NKAIN2: variants seen among roughly 807,000 people sequenced by gnomAD.
The protein encoded by NKAIN2 is sodium/potassium transporting ATPase interacting 2, also known as sodium/potassium-transporting ATPase subunit beta-1-interacting protein 2.
In NKAIN2, 14 loss-of-function variants were observed where a neutral mutation model predicts 32.6. The ratio of observed to expected loss-of-function variants is 0.43; its 90% CI spans 0.28 to 0.67. The LOEUF (loss-of-function observed/expected upper bound fraction) is 0.67, where lower values mean the gene tolerates loss of function less well. NKAIN2 is among the 30% of genes least tolerant of loss of function. NKAIN2 has a pLI of 0.17. For synonymous variants in NKAIN2, 80 were observed against 87.2 expected (o/e 0.92, Z 0.46); for missense variants, 198 against 258.3 (o/e 0.77, Z 1.60).
intron 3 of NKAIN2, among the ~76,000 whole-genome samples, chr6:124,494,561 C>T (rs1777994447): frequency 6.6e-6 from 1 of 152,060 alleles, no homozygotes; most frequent in Non-Finnish European, 1.5e-5. Context: ...TAAACTGTAA[C>T]AGCTAAAGCT....
chr6:124,686,523 C>G (rs1162445022), intron 4 of NKAIN2, among the ~76,000 whole-genome samples: 2 of 152,030 alleles, frequency 1.3e-5, no homozygotes, highest in African/African-American at 4.8e-5. Context: ...AAGAACAGCA[C>G]TAGGGGAACA....
chr6:124,822,927 C>T (rs576278436), intron 6 of NKAIN2, among the ~76,000 whole-genome samples: 5 of 152,162 alleles, frequency 3.3e-5, no homozygotes, highest in Non-Finnish European at 7.3e-5. Flanking sequence ...TAATATATCA[C>T]ACAACATTTG....
chr6:124,423,675 C>T (rs1774854710), intron 3 of NKAIN2, among the ~76,000 whole-genome samples: 1 of 152,136 alleles, frequency 6.6e-6, no homozygotes, highest in African/African-American at 2.4e-5. Flanking sequence ...GATTATGGCC[C>T]TTATAAAAGG....
intron 1 of NKAIN2, among the ~76,000 whole-genome samples, chr6:124,269,171 T>C: frequency 6.6e-6 from 1 of 152,182 alleles, no homozygotes. Context: ...CTAAAACTGA[T>C]AGAAAATATC....
chr6:123,971,917 C>A (rs2114638500), intron 1 of NKAIN2, among the ~76,000 whole-genome samples: 1 of 152,146 alleles, frequency 6.6e-6, no homozygotes, highest in Middle Eastern at 3.4e-3. Context: ...ATACAATTGG[C>A]CTTTGAACAA....
chr6:124,606,914 G>T (rs1782523621), intron 3 of NKAIN2, among the ~76,000 whole-genome samples: 1 of 152,102 alleles, frequency 6.6e-6, no homozygotes, highest in Admixed American at 6.6e-5. Flanking sequence ...CAGAACAACA[G>T]TTGGTTCACA....
At chr6:124,355,187 T>C (rs1583110577) in intron 2 of NKAIN2, 80 bp from the exon 3 acceptor site, 1 of 841,356 alleles carries the variant, frequency 1.2e-6, no homozygotes, top group East Asian at 2.4e-5. Context: ...TATTAGGGTG[T>C]GCGAAAGTTC....
chr6:124,435,753 A>G (rs332623), intron 3 of NKAIN2, among the ~76,000 whole-genome samples: 46,108 of 151,984 alleles, frequency 0.3, 7,620 homozygotes, highest in African/African-American at 0.43. Context: ...GATCAAAATA[A>G]TAACAAAGTG....
At chr6:124,778,448 T>C (rs902971952) in intron 4 of NKAIN2, among the ~76,000 whole-genome samples, 3 of 152,018 alleles carry the variant, frequency 2.0e-5, no homozygotes, top group Non-Finnish European at 2.9e-5. Context: ...TCTCCTACTC[T>C]TGTGTTTCTT....
At chr6:123,807,953 T>C (rs1773289461) in intron 1 of NKAIN2, among the ~76,000 whole-genome samples, 1 of 152,148 alleles carries the variant, frequency 6.6e-6, no homozygotes, top group South Asian at 2.1e-4. Flanking sequence ...TTAAGAATGA[T>C]CAGTTACTTT....
In NKAIN2 at chr6:124,824,001, G is replaced by A. The variant is rs1378388275; in HGVS notation, c.*772G>A. 6.6e-6 allele frequency: 1 copy of A among 152,158 alleles called. No individual in the cohort carries two copies. Among genetic ancestry groups the A allele is most frequent in the Non-Finnish European group, 1.5e-5 (1 of 68,040 alleles). The allele number at this position is 152,158 out of a possible 1,614,324, so 9.4% of individuals were successfully genotyped here. A position where few individuals can be genotyped will look rare whatever the true frequency, so the allele number is the denominator to read the frequency against. The stretch of plus-strand genomic sequence containing the variant: ...TGCTTTACCATAGAGCCTCCATGGT[G>A]GCCCAAAAGAGACAAGTAACAATAA... On this transcript the variant is annotated 3_prime_UTR_variant, in exon 7 of 7. Coordinates refer to ENST00000368417, the MANE Select transcript of NKAIN2 (RefSeq NM_001040214.3).
intron 3 of NKAIN2, among the ~76,000 whole-genome samples, chr6:124,431,454 G>A (rs1374022453): frequency 6.6e-6 from 1 of 152,150 alleles, no homozygotes; most frequent in Non-Finnish European, 1.5e-5. Context: ...CATTACAAAT[G>A]TCTGATGCCA....
At chr6:124,457,383 G>C (rs1031873925) in intron 3 of NKAIN2, among the ~76,000 whole-genome samples, 1 of 151,960 alleles carries the variant, frequency 6.6e-6, no homozygotes. Context: ...ATGTGTGTGA[G>C]AGAGTTTTGT....
chr6:123,853,366 C>G (rs535983623), intron 1 of NKAIN2, among the ~76,000 whole-genome samples: 1 of 152,298 alleles, frequency 6.6e-6, no homozygotes, highest in African/African-American at 2.4e-5. Flanking sequence ...TGAATGGTCT[C>G]TTTGGCGTGC....
intron 4 of NKAIN2, among the ~76,000 whole-genome samples, chr6:124,670,645 C>CAG (rs1554248185): frequency 8.1e-6 from 1 of 123,798 alleles, no homozygotes. Context: ...TCTTTGCTTT[C>CAG]TGTGTGTGTG....
chr6:124,621,778 C>G (rs1032274922), intron 3 of NKAIN2, among the ~76,000 whole-genome samples: 1 of 152,088 alleles, frequency 6.6e-6, no homozygotes. Context: ...TAAGAGTTTT[C>G]TTACCTTTGA....
intron 4 of NKAIN2, among the ~76,000 whole-genome samples, chr6:124,758,337 C>T (rs757497180): frequency 1.3e-5 from 2 of 152,078 alleles, no homozygotes; most frequent in Admixed American, 6.6e-5. Flanking sequence ...TTAAAACCCT[C>T]ATAAGAATAT....
At chr6:123,926,217 G>C (rs553609395) in intron 1 of NKAIN2, among the ~76,000 whole-genome samples, 4 of 152,276 alleles carry the variant, frequency 2.6e-5, no homozygotes, top group African/African-American at 9.6e-5. Flanking sequence ...CATTCTCTCT[G>C]CTTTTTGCTC....
At chr6:124,271,767 A>G (rs552229766) in intron 1 of NKAIN2, among the ~76,000 whole-genome samples, 1 of 152,342 alleles carries the variant, frequency 6.6e-6, no homozygotes, top group East Asian at 1.9e-4. Flanking sequence ...TGATAGTGAT[A>G]TGGACAATGA....
Sources: gnomAD v4.1 joint callset for allele counts (sites outside exome capture counted in the v4.1 genomes callset) on GRCh38, gnomAD v4.1.1 for gene constraint, MANE v1.5 for transcripts, NCBI Gene and HGNC (gene_info 2026-07-23, HGNC 2026-07-21) for gene names.